The following FOXP1 variants were observed in gnomAD, a reference collection of about 807,000 sequenced individuals.
FOXP1 encodes forkhead box protein P1.
In FOXP1, 15 loss-of-function variants were observed where a neutral mutation model predicts 98.2. The observed-to-expected ratio is 0.15, with a 90% CI of 0.10 to 0.24. FOXP1 has a LOEUF of 0.24. Ranked by LOEUF, FOXP1 falls within the 10% of genes least tolerant of loss-of-function variation. The pLI, the probability that FOXP1 is intolerant of heterozygous loss-of-function variation, is 1.00. For missense variants in FOXP1, 633 were observed against 848.5 expected, an observed-to-expected ratio of 0.75 and a Z score of 3.15; for synonymous variants, 371 against 314.5, an observed-to-expected ratio of 1.18 and a Z score of -1.90.
chr3:71,515,301 T>C (rs2042483798), intron 2 of FOXP1, among the ~76,000 whole-genome samples: 1 of 151,988 alleles, frequency 6.6e-6, no homozygotes, highest in African/African-American at 2.4e-5. Flanking sequence ...CTCCATTCTT[T>C]CTGAATCTTA....
At chr3:71,068,040 G>A (rs1315482811) in intron 7 of FOXP1, among the ~76,000 whole-genome samples, 2 of 151,136 alleles carry the variant, frequency 1.3e-5, no homozygotes, top group Admixed American at 6.6e-5. Context: ...GTGGGGGGGA[G>A]GGGATATCGA....
chr3:71,008,329 C>G (rs1467020932), intron 12 of FOXP1, among the ~76,000 whole-genome samples: 1 of 152,022 alleles, frequency 6.6e-6, no homozygotes, highest in African/African-American at 2.4e-5. Context: ...CACGTTTTTA[C>G]TAGTGAAGAT....
intron 9 of FOXP1, among the ~76,000 whole-genome samples, chr3:71,048,717 C>T (rs916422572): frequency 7.3e-6 from 1 of 136,654 alleles, no homozygotes; most frequent in Non-Finnish European, 1.5e-5. Flanking sequence ...TATTAACTCA[C>T]AACATTACAA....
At chr3:71,231,447 AT>A (rs1658527135) in intron 5 of FOXP1, among the ~76,000 whole-genome samples, 1 of 152,192 alleles carries the variant, frequency 6.6e-6, no homozygotes, top group African/African-American at 2.4e-5. Flanking sequence ...GGAAAAAAAA[AT>A]AGGAGAGATT....
chr3:71,393,970 C>T (rs2108142081), intron 3 of FOXP1, among the ~76,000 whole-genome samples: 2 of 152,324 alleles, frequency 1.3e-5, no homozygotes, highest in East Asian at 3.9e-4. Context: ...GTTGGGGTTA[C>T]AGGCATGAGC....
chr3:71,123,904 A>G (rs1008533345), intron 6 of FOXP1, among the ~76,000 whole-genome samples: 1 of 152,214 alleles, frequency 6.6e-6, no homozygotes, highest in East Asian at 1.9e-4. Flanking sequence ...AGTACTAAAC[A>G]GTGCAAACCC....
chr3:71,445,983 C>T (rs1016419126), intron 3 of FOXP1, among the ~76,000 whole-genome samples: 3 of 152,224 alleles, frequency 2.0e-5, no homozygotes, highest in South Asian at 2.1e-4. Flanking sequence ...CCACCGTGCC[C>T]GGCCTATGTG....
At chr3:71,468,601 T>C (rs1170601126) in intron 3 of FOXP1, among the ~76,000 whole-genome samples, 1 of 152,170 alleles carries the variant, frequency 6.6e-6, no homozygotes, top group Non-Finnish European at 1.5e-5. Flanking sequence ...ATATGTTAAG[T>C]AGTTTCCATT....
At chr3:71,300,369 C>T (rs2073741598) in intron 4 of FOXP1, among the ~76,000 whole-genome samples, 1 of 152,166 alleles carries the variant, frequency 6.6e-6, no homozygotes, top group Non-Finnish European at 1.5e-5. Context: ...GAAAGCAGCA[C>T]CATTTTCACT....
intron 2 of FOXP1, among the ~76,000 whole-genome samples, chr3:71,508,154 A>T (rs928650355): frequency 2.6e-5 from 4 of 152,224 alleles, no homozygotes; most frequent in Admixed American, 6.5e-5. Flanking sequence ...TGCATTAAGT[A>T]TATTTCTATA....
At chr3:71,098,641 C>CA (rs1263002597) in intron 7 of FOXP1, among the ~76,000 whole-genome samples, 3 of 152,142 alleles carry the variant, frequency 2.0e-5, no homozygotes, top group African/African-American at 7.2e-5. Flanking sequence ...TTCATTCAGT[C>CA]ACTCATTCAT....
intron 5 of FOXP1, among the ~76,000 whole-genome samples, chr3:71,201,087 T>G (rs2063644621): frequency 6.6e-6 from 1 of 152,226 alleles, no homozygotes; most frequent in African/African-American, 2.4e-5. Context: ...CTATTATTAT[T>G]TTTTCATTCT....
At chr3:71,270,080 G>A (rs1268420872) in intron 5 of FOXP1, among the ~76,000 whole-genome samples, 1 of 152,172 alleles carries the variant, frequency 6.6e-6, no homozygotes, top group African/African-American at 2.4e-5. Flanking sequence ...GTACATTACA[G>A]CTCATGAAAA....
intron 3 of FOXP1, among the ~76,000 whole-genome samples, chr3:71,448,723 C>G (rs190859722): frequency 6.6e-6 from 1 of 152,266 alleles, no homozygotes; most frequent in Admixed American, 6.5e-5. Context: ...AAAGATAATT[C>G]CTGTCGGCTG....
chr3:71,056,747 G>A (rs989374177), intron 7 of FOXP1, among the ~76,000 whole-genome samples: 15 of 151,828 alleles, frequency 9.9e-5, no homozygotes, highest in African/African-American at 3.6e-4. Flanking sequence ...AACATATCAT[G>A]AAAAGAGGTT....
intron 18 of FOXP1, chr3:70,971,513 C>A (rs2036236116): frequency 1.3e-5 from 2 of 153,438 alleles, no homozygotes; most frequent in Admixed American, 1.3e-4. Flanking sequence ...AGGGTGCCTC[C>A]CAGTAGGCAA....
intron 2 of FOXP1, among the ~76,000 whole-genome samples, chr3:71,500,100 G>T (rs2041223151): frequency 6.6e-6 from 1 of 152,166 alleles, no homozygotes. Flanking sequence ...TTTCAGTGAA[G>T]TTCCCTAAAA....
In FOXP1 at chr3:71,130,518, C is replaced by T. The variant is rs567661561; in HGVS notation, c.181-17881G>A. 31 of 1,598,340 alleles carry T rather than the reference C, an allele frequency of 1.9e-5. No individual in the cohort carries two copies. In the South Asian group the frequency reaches 2.0e-4, roughly 10 times the overall value. On this transcript the variant is annotated intron_variant, in intron 6 of 20. Transcript: ENST00000649528. ...CTTACAGAGAAAATGAAGAGTTTGG[C>T]GAAGGGAGCCCGTACTGTCTGCCTT...
At chr3:71,304,059 A>C (rs1342136109) in intron 4 of FOXP1, among the ~76,000 whole-genome samples, 1 of 152,156 alleles carries the variant, frequency 6.6e-6, no homozygotes, top group Non-Finnish European at 1.5e-5. Flanking sequence ...GTAACATTTT[A>C]CTTCCTTTCT....
Sources: gnomAD v4.1 joint callset for allele counts (sites outside exome capture counted in the v4.1 genomes callset) on GRCh38, gnomAD v4.1.1 for gene constraint, MANE v1.5 for transcripts, NCBI Gene and HGNC (gene_info 2026-07-23, HGNC 2026-07-21) for gene names.